Variants in SEC63 observed in about 807,000 individuals in gnomAD.
SEC63 encodes SEC63 protein translocation regulator.
Under a neutral mutation model 116.2 loss-of-function variants are expected in SEC63, and 56 were observed. That is an observed-to-expected ratio of 0.48 (90% CI 0.39 to 0.60). The LOEUF (loss-of-function observed/expected upper bound fraction) is 0.60, where lower values mean the gene tolerates loss of function less well. SEC63 is among the 20% of genes least tolerant of loss of function. SEC63 has a pLI of 0.00. For synonymous variants in SEC63, 273 were observed against 294.6 expected (o/e 0.93, Z 0.75); for missense variants, 668 against 900.0 (o/e 0.74, Z 3.30).
chr6:107,955,247 C>T (rs867417408), intron 1 of SEC63, among the ~76,000 whole-genome samples: 4 of 152,138 alleles, frequency 2.6e-5, no homozygotes, highest in Admixed American at 6.5e-5. Context: ...TTGCAACCTC[C>T]AGCTCCCGGG....
intron 2 of SEC63, among the ~76,000 whole-genome samples, chr6:107,925,520 C>T (rs944453443): frequency 2.0e-5 from 3 of 152,054 alleles, no homozygotes; most frequent in South Asian, 2.1e-4. Context: ...TGTTCATAAT[C>T]GGTTAAAATA....
chr6:107,940,581 T>G lies in SEC63; in HGVS notation c.125-11067A>C, dbSNP rs576872273. Among the ~76,000 whole-genome samples the G allele has an allele frequency of 1.1e-3, 174 of 151,434 alleles. 2 individuals are homozygous for G. The highest frequency in any genetic ancestry group is 4.1e-3 in the African/African-American group (168 of 41,372). ...AATCTTCAGAAATTCACAAATGTCC[T>G]CTGGGACACAAAATTGCCCCTGATT... On this transcript the variant is annotated intron_variant, in intron 1 of 20. Coordinates refer to ENST00000369002, the MANE Select transcript of SEC63 (RefSeq NM_007214.5).
chr6:107,924,440 T>G (rs896482313), intron 3 of SEC63, among the ~76,000 whole-genome samples: 1 of 150,464 alleles, frequency 6.6e-6, no homozygotes, highest in Non-Finnish European at 1.5e-5. Context: ...TAGACAGGCG[T>G]GATGGCGGGC....
intron 16 of SEC63, among the ~76,000 whole-genome samples, chr6:107,889,241 G>T (rs6931221): frequency 2.6e-5 from 4 of 151,754 alleles, no homozygotes; most frequent in Admixed American, 1.3e-4. Context: ...TTGGTTGGTA[G>T]GGTATTAATT....
chr6:107,921,949 C>T, intron 3 of SEC63, 40 bp from the exon 4 acceptor site: 2 of 1,115,594 alleles, frequency 1.8e-6, no homozygotes, highest in Non-Finnish European at 2.7e-6. Context: ...TTTCTGTTAG[C>T]AAAAATAAGC....
chr6:107,893,105 TATACACACACACAC>T (rs1030762177), intron 16 of SEC63, among the ~76,000 whole-genome samples: 4 of 108,870 alleles, frequency 3.7e-5, no homozygotes, highest in Non-Finnish European at 5.5e-5. Flanking sequence ...AATGAAATAC[TATACACACACACAC>T]ACACACACAC....
intron 1 of SEC63, among the ~76,000 whole-genome samples, chr6:107,944,013 C>T (rs1432600425): frequency 6.6e-6 from 1 of 152,080 alleles, no homozygotes; most frequent in Non-Finnish European, 1.5e-5. Flanking sequence ...ATAATCTAGG[C>T]AATAAACCAG....
chr6:107,932,527 C>CT (rs1213751349), intron 1 of SEC63, among the ~76,000 whole-genome samples: 4 of 152,006 alleles, frequency 2.6e-5, no homozygotes, highest in African/African-American at 9.7e-5. Flanking sequence ...GAAAAGGAGA[C>CT]TGATAATATG....
chr6:107,926,530 C>T (rs767139355), intron 2 of SEC63, among the ~76,000 whole-genome samples: 11 of 152,158 alleles, frequency 7.2e-5, no homozygotes, highest in African/African-American at 1.7e-4. Context: ...TGAGCCACCG[C>T]GGCCAGCCTA....
chr6:107,911,048 T>C (rs1787272891), intron 7 of SEC63: 2 of 364,528 alleles, frequency 5.5e-6, no homozygotes, highest in African/African-American at 2.1e-5. Context: ...GATATACACA[T>C]CATGCTCAAG....
At chr6:107,904,201 G>A (rs1484826413) in intron 11 of SEC63, among the ~76,000 whole-genome samples, 3 of 151,256 alleles carry the variant, frequency 2.0e-5, no homozygotes, top group African/African-American at 7.3e-5. Context: ...CACGAGGTCA[G>A]GAGATGGAGA....
intron 2 of SEC63, among the ~76,000 whole-genome samples, chr6:107,925,364 G>A (rs1787651687): frequency 6.6e-6 from 1 of 152,094 alleles, no homozygotes; most frequent in Non-Finnish European, 1.5e-5. Flanking sequence ...ACATAGCCTT[G>A]TTTATAGTAG....
chr6:107,931,487 A>C (rs201664721), intron 1 of SEC63, among the ~76,000 whole-genome samples: 1 of 10,366 alleles, frequency 9.6e-5, no homozygotes, highest in Non-Finnish European at 0.015. Flanking sequence ...TCCCAAGTTT[A>C]AAAAAAAAAA....
chr6:107,953,923 G>A (rs1372814498), intron 1 of SEC63, among the ~76,000 whole-genome samples: 5 of 152,050 alleles, frequency 3.3e-5, no homozygotes, highest in African/African-American at 4.8e-5. Flanking sequence ...CTACTGGGAC[G>A]TGAGGAGCCC....
intron 19 of SEC63, among the ~76,000 whole-genome samples, chr6:107,873,274 A>G (rs1385870225): frequency 1.3e-5 from 2 of 152,214 alleles, no homozygotes; most frequent in African/African-American, 4.8e-5. Context: ...AACAGACTTC[A>G]CTAGATAGGA....
chr6:107,950,076 T>A (rs1219862783), intron 1 of SEC63, among the ~76,000 whole-genome samples: 1 of 151,982 alleles, frequency 6.6e-6, no homozygotes, highest in Non-Finnish European at 1.5e-5. Context: ...ACAAACAGAT[T>A]GAAGGTGAAA....
intron 10 of SEC63, among the ~76,000 whole-genome samples, chr6:107,905,491 ACTGT>A (rs1252084035): frequency 6.6e-6 from 1 of 152,190 alleles, no homozygotes; most frequent in African/African-American, 2.4e-5. Flanking sequence ...AGAGGTAGTA[ACTGT>A]CTTTTAAAAC....
intron 1 of SEC63, among the ~76,000 whole-genome samples, chr6:107,950,506 G>C (rs1040739249): frequency 7.2e-5 from 11 of 152,176 alleles, no homozygotes; most frequent in Non-Finnish European, 1.6e-4. Context: ...TTGCAGGATA[G>C]ACTATATGTT....
intron 1 of SEC63, among the ~76,000 whole-genome samples, chr6:107,935,173 G>A (rs1469766530): frequency 2.0e-5 from 3 of 150,270 alleles, no homozygotes; most frequent in East Asian, 4.1e-4. Flanking sequence ...GAGGTGGGGG[G>A]GTCAGCCCCC....
Sources: gnomAD v4.1 joint callset for allele counts (sites outside exome capture counted in the v4.1 genomes callset) on GRCh38, gnomAD v4.1.1 for gene constraint, MANE v1.5 for transcripts, NCBI Gene and HGNC (gene_info 2026-07-23, HGNC 2026-07-21) for gene names.